The following CNKSR2 variants were observed in gnomAD, a reference collection of about 807,000 sequenced individuals.
The protein encoded by CNKSR2 is connector enhancer of kinase suppressor of Ras 2, also known as CNK homolog protein 2.
CNKSR2 carries 14 observed loss-of-function variants against 84.4 expected under a neutral mutation model. That is an observed-to-expected ratio of 0.17 (90% CI 0.11 to 0.26). The LOEUF (loss-of-function observed/expected upper bound fraction) is 0.26. Ranked by LOEUF, CNKSR2 falls within the 10% of genes least tolerant of loss-of-function variation. The probability of loss-of-function intolerance (pLI) is 1.00; values close to 1 mark genes in which losing one functional copy is unlikely to be tolerated. For synonymous variants in CNKSR2, 275 were observed against 277.9 expected, an observed-to-expected ratio of 0.99 and a Z score of 0.10; for missense variants, 485 against 771.2, an observed-to-expected ratio of 0.63 and a Z score of 4.40.
intron 11 of CNKSR2, among the ~76,000 whole-genome samples, chrX:21,551,794 A>G (rs942391394): frequency 1.8e-5 from 2 of 112,035 alleles, no homozygotes; most frequent in African/African-American, 3.2e-5. Context: ...TTAAGAATCA[A>G]TTTACAAATA....
chrX:21,479,413 C>T (rs911519676), intron 5 of CNKSR2, among the ~76,000 whole-genome samples: 1 of 111,109 alleles, frequency 9.0e-6, no homozygotes, highest in African/African-American at 3.3e-5. Flanking sequence ...TATTTGTTTT[C>T]CTTTGGGTAG....
chrX:21,509,350 C>T (rs187896881), intron 8 of CNKSR2, among the ~76,000 whole-genome samples: 5 of 111,696 alleles, frequency 4.5e-5, no homozygotes, highest in Admixed American at 2.9e-4. Context: ...ATTAAATTGT[C>T]GGCTTTTTTT....
chrX:21,446,055 C>G (rs1242296485), intron 4 of CNKSR2, among the ~76,000 whole-genome samples: 1 of 111,067 alleles, frequency 9.0e-6, no homozygotes, highest in African/African-American at 3.3e-5. Flanking sequence ...ACATTCATAC[C>G]AACAGTATTT....
intron 11 of CNKSR2, among the ~76,000 whole-genome samples, chrX:21,556,680 G>C (rs1172973353): frequency 9.1e-6 from 1 of 110,413 alleles, no homozygotes; most frequent in Admixed American, 9.7e-5. Context: ...TAAAAACCTT[G>C]ACAATAGCAG....
At chrX:21,557,788 A>G (rs1425386278) in intron 11 of CNKSR2, among the ~76,000 whole-genome samples, 1 of 111,553 alleles carries the variant, frequency 9.0e-6, no homozygotes, top group African/African-American at 3.2e-5. Flanking sequence ...TACAACTTCA[A>G]AAACCAATAT....
At position 21,444,781 on chromosome X, in the gene CNKSR2, TTTAGTA is replaced by T. The variant is rs1457842742; in HGVS notation, c.519+4002_519+4007del. ...GTGATTTAAAAAAAAAAAAAAGGAT[TTTAGTA>T]TAATTCAGAATGTTCTTTAGATTTT... is the stretch of plus-strand genomic sequence containing the variant. On this transcript the variant is annotated intron_variant, in intron 4 of 21. Transcript: ENST00000379510. Among the ~76,000 whole-genome samples, 4 of 110,797 alleles carry T rather than the reference TTTAGTA, an allele frequency of 3.6e-5. No individual in the cohort carries two copies. In the Admixed American group the frequency reaches 3.9e-4, roughly 11 times the overall value.
rs759564158 is a variant in CNKSR2 at position 21,440,681 on chromosome X, T to C, written c.432-13T>C. ...TGTTACTAGTAATCACAATTTTCCT[T>C]TTCCCTTTATAGGTCACCATTTGCT... On this transcript the variant is annotated splice_polypyrimidine_tract_variant and intron_variant, in intron 3 of 21. Transcript: ENST00000379510. The C allele has an allele frequency of 9.9e-6, 11 of 1,111,228 alleles. No individual in the cohort carries two copies. In the South Asian group the frequency reaches 2.1e-4, roughly 21 times the overall value. 91.6% of individuals were successfully genotyped at this position (1,111,228 alleles called of 1,213,427 possible). A position where few individuals can be genotyped will look rare whatever the true frequency, so the allele number is the denominator to read the frequency against.
At chrX:21,510,170 T>C (rs1417121268) in intron 8 of CNKSR2, among the ~76,000 whole-genome samples, 3 of 111,714 alleles carry the variant, frequency 2.7e-5, no homozygotes, top group Non-Finnish European at 5.7e-5. Context: ...AAAGGTATCA[T>C]CTACATTACA....
At chrX:21,385,829 T>C (rs1295309826) in intron 1 of CNKSR2, among the ~76,000 whole-genome samples, 1 of 110,768 alleles carries the variant, frequency 9.0e-6, no homozygotes, top group Admixed American at 9.6e-5. Flanking sequence ...ATAGTTTTTG[T>C]GTCCTTTGGG....
intron 11 of CNKSR2, among the ~76,000 whole-genome samples, chrX:21,555,108 T>A (rs1171850462): frequency 2.7e-5 from 3 of 110,206 alleles, no homozygotes; most frequent in Non-Finnish European, 5.7e-5. Context: ...TTAGCGATGT[T>A]GAGCTTTTTT....
intron 5 of CNKSR2, among the ~76,000 whole-genome samples, chrX:21,483,456 G>A (rs1048287122): frequency 6.4e-5 from 7 of 108,978 alleles, no homozygotes; most frequent in East Asian, 2.9e-4. Context: ...TTGGGGGAGC[G>A]GGGAGGGATA....
intron 4 of CNKSR2, among the ~76,000 whole-genome samples, chrX:21,456,174 C>T (rs2090992868): frequency 8.9e-6 from 1 of 111,769 alleles, no homozygotes; most frequent in African/African-American, 3.2e-5. Context: ...AGCTAATTAA[C>T]ATATTCATCA....
At chrX:21,425,558 T>A (rs1235137255) in intron 1 of CNKSR2, 1 of 111,824 alleles carries the variant, frequency 8.9e-6, no homozygotes, top group Non-Finnish European at 1.9e-5. Context: ...CTCTTATAAT[T>A]TCTGCTCCTC....
At chrX:21,452,083 A>C (rs1311814400) in intron 4 of CNKSR2, among the ~76,000 whole-genome samples, 2 of 111,115 alleles carry the variant, frequency 1.8e-5, no homozygotes, top group Admixed American at 9.5e-5. Flanking sequence ...TGAATGAATG[A>C]ATGCATGAAT....
chrX:21,417,446 G>T (rs1401630655), intron 1 of CNKSR2, among the ~76,000 whole-genome samples: 1 of 111,618 alleles, frequency 9.0e-6, no homozygotes, highest in Non-Finnish European at 1.9e-5. Context: ...CTATAGTGTA[G>T]ATAAACTCCA....
intron 4 of CNKSR2, among the ~76,000 whole-genome samples, chrX:21,447,626 A>G (rs899984080): frequency 9.6e-4 from 107 of 111,689 alleles, no homozygotes; most frequent in African/African-American, 3.4e-3. Flanking sequence ...CATTTGTGAT[A>G]TACTGTGACT....
intron 1 of CNKSR2, among the ~76,000 whole-genome samples, chrX:21,398,340 A>C (rs144935198): frequency 8.9e-6 from 1 of 112,061 alleles, no homozygotes; most frequent in South Asian, 3.7e-4. Flanking sequence ...TGAAAATATA[A>C]AATACTTTTT....
chrX:21,564,850 A>T (rs1256812499), intron 13 of CNKSR2, among the ~76,000 whole-genome samples: 1 of 110,744 alleles, frequency 9.0e-6, no homozygotes, highest in Non-Finnish European at 1.9e-5. Context: ...AGTCTCTAAG[A>T]CACTAGTGCC....
chrX:21,431,525 C>T (rs970506920), intron 2 of CNKSR2, among the ~76,000 whole-genome samples: 1 of 111,462 alleles, frequency 9.0e-6, no homozygotes, highest in Admixed American at 9.6e-5. Context: ...CAGGCCCAAG[C>T]AAATTCTTAC....
Sources: allele counts gnomAD v4.1 joint callset (sites outside exome capture counted in the v4.1 genomes callset), GRCh38; gene constraint gnomAD v4.1.1; transcripts MANE v1.5; gene names NCBI Gene and HGNC (gene_info 2026-07-23, HGNC 2026-07-21).